The following CSMD1 variants were observed in gnomAD, a reference collection of about 807,000 sequenced individuals.
The protein encoded by CSMD1 is CUB and sushi domain-containing protein 1.
A neutral mutation model predicts 417.5 loss-of-function variants in CSMD1; 213 were observed. That is an observed-to-expected ratio of 0.51 (90% confidence interval 0.46 to 0.57). The LOEUF (loss-of-function observed/expected upper bound fraction) is 0.57. CSMD1 is among the 20% of genes least tolerant of loss of function. The probability of loss-of-function intolerance (pLI) is 0.00; values close to 1 mark genes in which losing one functional copy is unlikely to be tolerated. For missense variants in CSMD1, 6,923 were observed against 4,529.7 expected (o/e 1.53, Z -15.17); for synonymous variants, 2,862 against 1,736.8 (o/e 1.65, Z -16.11).
rs773493717 is a variant in CSMD1, at chr8:4,032,040, T to C, written c.475A>G (p.Thr159Ala). The stretch of plus-strand genomic sequence containing the variant: ...ATTTTGTCTCCTATGTTGAATCTCG[T>C]TCCATGCAGAACTCCTTTCAGGATT... ...GEILKGVLHGTRFNIGDKIRY... is the reference protein window; with the variant it reads ...GEILKGVLHGARFNIGDKIRY... Residue 159 changes from threonine (T) to alanine (A), a missense_variant, in exon 4 of 70, where the codon ACG becomes GCG. Physicochemically the swap from Thr to Ala is moderately conservative, Grantham distance 58. Coordinates refer to ENST00000635120, the MANE Select transcript of CSMD1 (RefSeq NM_033225.6). 1.9e-6 allele frequency: 3 copies of C among 1,613,818 alleles called. No homozygotes were observed. Among genetic ancestry groups the C allele is most frequent in the Non-Finnish European group, 1.7e-6 (2 of 1,179,856 alleles).
chr8:3,602,609 G>T (rs753684393), intron 8 of CSMD1, among the ~76,000 whole-genome samples: 8 of 151,946 alleles, frequency 5.3e-5, no homozygotes, highest in Non-Finnish European at 1.2e-4. Context: ...TTATTCTAAA[G>T]TAGAATATGG....
In CSMD1 at chr8:3,428,456, C is replaced by A. The variant is rs180783990; in HGVS notation, c.1562-18851G>T. 2.4e-3 allele frequency among the ~76,000 whole-genome samples: 369 copies of A among 152,254 alleles called. 1 individual carries two copies. Among genetic ancestry groups the A allele is most frequent in the African/African-American group, 7.9e-3 (328 of 41,558 alleles). ...GTCAAGAATATTAAATCACCCCAAA[C>A]TGTTTATACTGAGCATATTTTACCA... On this transcript the variant is annotated intron_variant, in intron 12 of 69. Coordinates refer to ENST00000635120, the MANE Select transcript of CSMD1 (RefSeq NM_033225.6).
chr8:4,404,871 T>C (rs895620273), intron 3 of CSMD1, among the ~76,000 whole-genome samples: 2 of 152,186 alleles, frequency 1.3e-5, no homozygotes, highest in Non-Finnish European at 2.9e-5. Context: ...CACACTTCCA[T>C]GCACTTCACA....
chr8:3,487,351 G>A (rs1317697682), intron 11 of CSMD1, among the ~76,000 whole-genome samples: 7 of 151,968 alleles, frequency 4.6e-5, no homozygotes, highest in South Asian at 2.1e-4. Flanking sequence ...ACAGGCGCCC[G>A]CCACCACGCC....
In CSMD1 at chr8:4,647,423, G is replaced by T. The variant is rs2617040; in HGVS notation, c.86-9865C>A. Among the ~76,000 whole-genome samples the T allele has an allele frequency of 7.4e-4, 82 of 111,518 alleles. 1 individual carries two copies. The highest frequency in any genetic ancestry group is 1.1e-3 in the Non-Finnish European group (62 of 54,620). 73.2% of individuals were successfully genotyped at this position (111,518 alleles called of 152,430 possible). A position where few individuals can be genotyped will look rare whatever the true frequency, so the allele number is the denominator to read the frequency against. ...TGTTAGGTAGGTACGCGTGTGCCAC[G>T]GCGGCCTGCTACGTAGGTATGCGTG... is the stretch of plus-strand genomic sequence containing the variant. On this transcript the variant is annotated intron_variant, in intron 1 of 69. Coordinates refer to ENST00000635120, the MANE Select transcript of CSMD1 (RefSeq NM_033225.6).
At chr8:4,723,787 T>TAAAAAAA (rs57096241) in intron 1 of CSMD1, among the ~76,000 whole-genome samples, 68 of 131,394 alleles carry the variant, frequency 5.2e-4, no homozygotes, top group African/African-American at 1.6e-3. Context: ...CTTTCGAATG[T>TAAAAAAA]AAAAAAAAAA....
intron 1 of CSMD1, among the ~76,000 whole-genome samples, chr8:4,779,282 G>C (rs17432227): frequency 2.0e-5 from 3 of 151,966 alleles, no homozygotes; most frequent in East Asian, 1.9e-4. Flanking sequence ...CCATGTATAG[G>C]GGTTTTACCA....
At chr8:4,439,716 T>G (rs963518548) in intron 2 of CSMD1, among the ~76,000 whole-genome samples, 6 of 152,136 alleles carry the variant, frequency 3.9e-5, no homozygotes, top group African/African-American at 1.4e-4. Context: ...TAGTTAGGTT[T>G]TGAAATAAGT....
chr8:3,072,127 A>G (rs1025439549), intron 49 of CSMD1, among the ~76,000 whole-genome samples: 6 of 152,364 alleles, frequency 3.9e-5, no homozygotes, highest in Admixed American at 2.6e-4. Flanking sequence ...TGAATGGCAG[A>G]AAGTCTCGAG....
intron 10 of CSMD1, among the ~76,000 whole-genome samples, chr8:3,499,200 G>C (rs187948516): frequency 1.3e-5 from 2 of 152,100 alleles, no homozygotes; most frequent in South Asian, 2.1e-4. Flanking sequence ...AGGGTGCTTT[G>C]GTTTGTATTC....
chr8:3,530,743 G>C (rs1184003859), intron 10 of CSMD1, among the ~76,000 whole-genome samples: 1 of 152,036 alleles, frequency 6.6e-6, no homozygotes, highest in East Asian at 1.9e-4. Flanking sequence ...TGGCCAGGCT[G>C]GTCTCAAATT....
chr8:3,770,857 G>A (rs748951968), intron 5 of CSMD1, among the ~76,000 whole-genome samples: 13 of 152,108 alleles, frequency 8.5e-5, no homozygotes, highest in Non-Finnish European at 1.9e-4. Flanking sequence ...AAAACAAATG[G>A]TCCTGTAGCT....
At chr8:3,820,443 A>G (rs967670371) in intron 5 of CSMD1, among the ~76,000 whole-genome samples, 1 of 152,228 alleles carries the variant, frequency 6.6e-6, no homozygotes, top group East Asian at 1.9e-4. Flanking sequence ...AGGACAATCA[A>G]TATCACTGTC....
intron 6 of CSMD1, among the ~76,000 whole-genome samples, chr8:3,743,865 A>G (rs1023805950): frequency 3.3e-5 from 5 of 152,148 alleles, no homozygotes; most frequent in African/African-American, 9.7e-5. Flanking sequence ...CGTCTATGTT[A>G]TCGTATGTAA....
intron 7 of CSMD1, among the ~76,000 whole-genome samples, chr8:3,699,609 C>T (rs138229863): frequency 2.0e-5 from 3 of 152,236 alleles, no homozygotes; most frequent in East Asian, 3.9e-4. Context: ...TCCATTTTTA[C>T]TCAATCATCA....
intron 23 of CSMD1, among the ~76,000 whole-genome samples, chr8:3,309,708 A>AG (rs1805179759): frequency 6.7e-6 from 1 of 148,166 alleles, no homozygotes. Flanking sequence ...TTTCTCAAAA[A>AG]GAAATTAAAT....
chr8:4,008,894 G>C (rs1816340781), intron 4 of CSMD1, among the ~76,000 whole-genome samples: 2 of 152,088 alleles, frequency 1.3e-5, no homozygotes, highest in African/African-American at 4.8e-5. Flanking sequence ...ACAGGCGTGA[G>C]CCACCGCGCC....
At chr8:4,093,963 C>T (rs951780098) in intron 3 of CSMD1, among the ~76,000 whole-genome samples, 2 of 114,540 alleles carry the variant, frequency 1.7e-5, no homozygotes, top group African/African-American at 3.4e-5. Flanking sequence ...GACTACATCT[C>T]AAATAGATAG....
intron 5 of CSMD1, among the ~76,000 whole-genome samples, chr8:3,779,308 T>C (rs1799054371): frequency 6.6e-6 from 1 of 152,114 alleles, no homozygotes; most frequent in South Asian, 2.1e-4. Flanking sequence ...ACTTTTCTAT[T>C]GATTTTTAGA....
Sources: allele counts gnomAD v4.1 joint callset (sites outside exome capture counted in the v4.1 genomes callset), GRCh38; gene constraint gnomAD v4.1.1; transcripts MANE v1.5; gene names NCBI Gene and HGNC (gene_info 2026-07-23, HGNC 2026-07-21).